ETV1: variants seen among roughly 807,000 people sequenced by gnomAD.
The protein encoded by ETV1 is ETS translocation variant 1.
Under a neutral mutation model 62.3 loss-of-function variants are expected in ETV1, and 27 were observed. The ratio of observed to expected loss-of-function variants is 0.43; its 90% CI spans 0.32 to 0.60. The LOEUF is 0.60. ETV1 is among the 20% of genes least tolerant of loss of function. ETV1 has a pLI of 0.06. For missense variants in ETV1, 605 were observed against 605.8 expected, an observed-to-expected ratio of 1.00 and a Z score of 0.01; for synonymous variants, 222 against 199.6, an observed-to-expected ratio of 1.11 and a Z score of -0.94.
At chr7:13,911,799 A>C (rs2128420868) in intron 9 of ETV1, among the ~76,000 whole-genome samples, 1 of 152,356 alleles carries the variant, frequency 6.6e-6, no homozygotes, top group South Asian at 2.1e-4. Flanking sequence ...ATTATGAAGC[A>C]TATAATTCTG....
intron 6 of ETV1, among the ~76,000 whole-genome samples, chr7:13,955,879 A>G (rs931993712): frequency 1.3e-5 from 2 of 152,088 alleles, no homozygotes; most frequent in African/African-American, 4.8e-5. Flanking sequence ...ATCGGGATCC[A>G]TTTGGGAGTT....
At position 13,892,953 on chromosome 7, in the gene ETV1, G is replaced by T; in HGVS notation, c.*2913C>A. ...TAAATTTGTGTAAATTACTGAAGTTGTGGTAATTGGTTACAGCATCTACGG... is the reference window on the plus strand; with the variant it reads ...TAAATTTGTGTAAATTACTGAAGTTTTGGTAATTGGTTACAGCATCTACGG... On this transcript the variant is annotated 3_prime_UTR_variant, in exon 14 of 14. Coordinates refer to ENST00000430479, the MANE Select transcript of ETV1 (RefSeq NM_004956.5). The T allele has an allele frequency of 4.3e-6, 1 of 232,562 alleles. No homozygotes were observed. Among genetic ancestry groups the T allele is most frequent in the Non-Finnish European group, 8.5e-6 (1 of 117,628 alleles). 14.4% of individuals were successfully genotyped at this position (232,562 alleles called of 1,614,324 possible).
chr7:13,957,780 T>C (rs991903254), intron 6 of ETV1, among the ~76,000 whole-genome samples: 2 of 152,196 alleles, frequency 1.3e-5, no homozygotes, highest in South Asian at 2.1e-4. Context: ...TCCTTTGTAA[T>C]TGATAGTTCC....
chr7:13,988,167 G>A lies in ETV1; in HGVS notation c.52C>T (p.Arg18Cys), dbSNP rs555395802. Residue 18 changes from arginine to cysteine, a missense_variant, in exon 4 of 14, where the codon CGT becomes TGT. By Grantham distance (180) the Arg-to-Cys change is radical. Transcript: ENST00000430479. ...GGTTTCTCGTTACAATTTCTCCCAC[G>A]CTGACTCTACAAAGGGAAAGATAAA... The part of the protein sequence containing the change: ...QVPYMVTNSQ[R>C]GRNCNEKPTN... 1.2e-6 allele frequency: 2 copies of A among 1,605,200 alleles called. No homozygotes were observed. The highest frequency in any genetic ancestry group is 3.3e-5 in the Admixed American group (2 of 59,960).
intron 6 of ETV1, among the ~76,000 whole-genome samples, chr7:13,963,441 T>C (rs547058289): frequency 4.0e-4 from 61 of 151,890 alleles, no homozygotes; most frequent in African/African-American, 1.4e-3. Flanking sequence ...TCCAATTTTG[T>C]AATCACAAAA....
chr7:13,907,508 G>T lies in ETV1; in HGVS notation c.941-909C>A, dbSNP rs535356663. On this transcript the variant is annotated intron_variant, in intron 11 of 13. Coordinates refer to ENST00000430479, the MANE Select transcript of ETV1 (RefSeq NM_004956.5). ...GCAATAAAGGTGTTCATGTTGCAAT[G>T]CTTCTGGTATAAATCTGGTCAGTTA... 9.2e-5 allele frequency among the ~76,000 whole-genome samples: 14 copies of T among 152,004 alleles called. No homozygotes were observed. In the South Asian group the frequency reaches 2.9e-3, roughly 32 times the overall value.
intron 6 of ETV1, among the ~76,000 whole-genome samples, chr7:13,975,256 G>A (rs561711597): frequency 7.7e-4 from 117 of 152,236 alleles, no homozygotes; most frequent in Non-Finnish European, 1.6e-3. Flanking sequence ...CTGGCATGGT[G>A]CATGTAAAAT....
intron 11 of ETV1, among the ~76,000 whole-genome samples, chr7:13,909,377 C>T (rs1426431118): frequency 6.6e-6 from 1 of 152,156 alleles, no homozygotes; most frequent in Non-Finnish European, 1.5e-5. Flanking sequence ...TCTTACGCTA[C>T]ACAAAGCTCA....
At chr7:13,946,420 A>T (rs1210948340) in intron 6 of ETV1, among the ~76,000 whole-genome samples, 1 of 152,232 alleles carries the variant, frequency 6.6e-6, no homozygotes, top group Non-Finnish European at 1.5e-5. Context: ...GAGCTCCAAA[A>T]TACCAAGACT....
At chr7:13,938,957 G>A (rs1048207564) in intron 7 of ETV1, among the ~76,000 whole-genome samples, 160 bp downstream of exon 7, 10 of 152,130 alleles carry the variant, frequency 6.6e-5, no homozygotes, top group African/African-American at 2.4e-4. Context: ...GTGATTGGAT[G>A]GTAAATGGTT....
At chr7:13,979,921 G>C (rs1781822117) in intron 5 of ETV1, among the ~76,000 whole-genome samples, 1 of 152,104 alleles carries the variant, frequency 6.6e-6, no homozygotes, top group Admixed American at 6.6e-5. Flanking sequence ...TGATGGGTGT[G>C]TGATGTGTGC....
intron 6 of ETV1, among the ~76,000 whole-genome samples, chr7:13,948,261 G>C (rs999771149): frequency 6.6e-6 from 1 of 152,198 alleles, no homozygotes; most frequent in Non-Finnish European, 1.5e-5. Flanking sequence ...GTGATAAGTT[G>C]TCTTGGCTCT....
At chr7:13,937,620 C>A (rs189097924) in intron 7 of ETV1, among the ~76,000 whole-genome samples, 6 of 152,340 alleles carry the variant, frequency 3.9e-5, no homozygotes, top group African/African-American at 1.4e-4. Flanking sequence ...CTATATCTAA[C>A]TGCCATTGAC....
At chr7:13,896,775 A>AGAAAGAAAG (rs1433891055) in intron 13 of ETV1, among the ~76,000 whole-genome samples, 4 of 151,680 alleles carry the variant, frequency 2.6e-5, no homozygotes, top group Non-Finnish European at 4.4e-5. Flanking sequence ...AAAGAAAGAA[A>AGAAAGAAAG]GAAAGAAAGA....
chr7:13,969,546 C>G (rs898768055), intron 6 of ETV1, among the ~76,000 whole-genome samples: 21 of 152,098 alleles, frequency 1.4e-4, no homozygotes, highest in Admixed American at 1.3e-3. Flanking sequence ...ACCTTGCACT[C>G]CACGAAAGGC....
At chr7:13,905,289 G>C (rs1782846369) in intron 12 of ETV1, among the ~76,000 whole-genome samples, 1 of 152,114 alleles carries the variant, frequency 6.6e-6, no homozygotes, top group Non-Finnish European at 1.5e-5. Flanking sequence ...TGGATGTTCA[G>C]TGTATATGAA....
chr7:13,919,336 T>C (rs918759617), intron 9 of ETV1, among the ~76,000 whole-genome samples: 4 of 151,494 alleles, frequency 2.6e-5, no homozygotes, highest in Non-Finnish European at 4.4e-5. Flanking sequence ...TATTTTTTAA[T>C]ACTAAGAAAA....
At chr7:13,961,799 T>C (rs939735684) in intron 6 of ETV1, among the ~76,000 whole-genome samples, 12 of 152,156 alleles carry the variant, frequency 7.9e-5, no homozygotes, top group African/African-American at 2.9e-4. Context: ...CTTTTTGTTT[T>C]TGAATTCCTA....
chr7:13,939,834 C>A (rs1306239908), intron 6 of ETV1, among the ~76,000 whole-genome samples: 1 of 152,130 alleles, frequency 6.6e-6, no homozygotes, highest in Non-Finnish European at 1.5e-5. Flanking sequence ...ATCTAATTAC[C>A]AGAACTGTGA....
Sources: allele counts gnomAD v4.1 joint callset (sites outside exome capture counted in the v4.1 genomes callset), GRCh38; gene constraint gnomAD v4.1.1; transcripts MANE v1.5; gene names NCBI Gene and HGNC (gene_info 2026-07-23, HGNC 2026-07-21).